Variants in DAG1 observed in about 807,000 individuals in gnomAD.
DAG1 encodes the protein dystroglycan 1 (dystrophin-associated glycoprotein 1).
Under a neutral mutation model 46.1 loss-of-function variants are expected in DAG1, and 8 were observed. The observed-to-expected ratio is 0.17, with a 90% CI of 0.10 to 0.31. DAG1 has a LOEUF of 0.31. Among genes scored for constraint, DAG1 ranks in the 10% least tolerant of loss-of-function variants. The probability of loss-of-function intolerance (pLI) is 1.00; values close to 1 mark genes in which losing one functional copy is unlikely to be tolerated. For missense variants in DAG1, 1,003 were observed against 1,189.9 expected, an observed-to-expected ratio of 0.84 and a Z score of 2.31; for synonymous variants, 495 against 481.8, an observed-to-expected ratio of 1.03 and a Z score of -0.36.
intron 1 of DAG1, among the ~76,000 whole-genome samples, chr3:49,475,440 TC>T: frequency 7.6e-6 from 1 of 131,338 alleles, no homozygotes; most frequent in African/African-American, 2.9e-5. Context: ...GGAGTCTCAC[TC>T]TGTTGCCCAG....
At chr3:49,469,579 C>A (rs768214480), upstream of DAG1, among the ~76,000 whole-genome samples, 3 of 152,146 alleles carry the variant, frequency 2.0e-5, no homozygotes, top group Non-Finnish European at 4.4e-5. Context: ...TTCCAGTGTT[C>A]CAGGCAGGGG....
At chr3:49,525,118 A>G (rs2051132004) in intron 2 of DAG1, among the ~76,000 whole-genome samples, 1 of 152,088 alleles carries the variant, frequency 6.6e-6, no homozygotes, top group Admixed American at 6.5e-5. Context: ...TGATGTCACC[A>G]GTACCAAGAC....
At chr3:49,526,001 C>G (rs974746101) in intron 2 of DAG1, among the ~76,000 whole-genome samples, 3 of 152,110 alleles carry the variant, frequency 2.0e-5, no homozygotes, top group African/African-American at 7.2e-5. Flanking sequence ...TAGGCGCCTG[C>G]CAGCATGCCC....
At chr3:49,517,116 C>T (rs1429965258) in intron 2 of DAG1, among the ~76,000 whole-genome samples, 1 of 151,868 alleles carries the variant, frequency 6.6e-6, no homozygotes, top group East Asian at 1.9e-4. Context: ...GCCTCAGCCT[C>T]CTGAGTAGCT....
At chr3:49,515,958 G>A (rs1300939724) in intron 2 of DAG1, among the ~76,000 whole-genome samples, 1 of 151,896 alleles carries the variant, frequency 6.6e-6, no homozygotes, top group African/African-American at 2.4e-5. Context: ...ATATGATCTG[G>A]CCTGTGACCT....
chr3:49,498,836 G>A (rs556088354), intron 1 of DAG1, among the ~76,000 whole-genome samples: 2 of 151,978 alleles, frequency 1.3e-5, no homozygotes, highest in African/African-American at 4.8e-5. Flanking sequence ...AGCCTCCCAA[G>A]TAGCTGTGAT....
chr3:49,488,726 C>G (rs2050104818), intron 1 of DAG1: 1 of 151,994 alleles, frequency 6.6e-6, no homozygotes, highest in Non-Finnish European at 1.5e-5. Flanking sequence ...CCTCAGCTTC[C>G]TGAGTAGCTG....
rs2051331598 is a variant in DAG1, at chr3:49,531,129, A to C, written c.618A>C (p.Gln206His). The C allele has an allele frequency of 6.2e-7, 1 of 1,614,086 alleles. No individual in the cohort carries two copies. The highest frequency in any genetic ancestry group is 8.5e-7 in the Non-Finnish European group (1 of 1,180,040). The change falls in exon 3 of 3, where the codon CAA (glutamine) becomes CAC (histidine). Residue 206 changes from glutamine (Q) to histidine (H), a missense_variant. By Grantham distance (24) the Gln-to-His change is conservative. Coordinates refer to ENST00000308775, the MANE Select transcript of DAG1 (RefSeq NM_004393.6). This position sits in a 1 kb window ranked among gnomAD's most constrained non-coding sequence, Gnocchi z 7.0. Reference protein sequence around the residue: ...DADLTKMTPKQRIDLLHRMRS... With the variant: ...DADLTKMTPKHRIDLLHRMRS... Reference sequence around the variant, plus strand: ...ACCTCACCAAGATGACCCCAAAGCAAAGGATTGACCTCCTGCACAGGATGC... The same window carrying C: ...ACCTCACCAAGATGACCCCAAAGCACAGGATTGACCTCCTGCACAGGATGC...
chr3:49,496,722 G>A (rs1201784625), intron 1 of DAG1, among the ~76,000 whole-genome samples: 1 of 150,930 alleles, frequency 6.6e-6, no homozygotes, highest in Non-Finnish European at 1.5e-5. Flanking sequence ...TACCTCCCAA[G>A]TTCAAGCAGT....
At chr3:49,499,771 G>A (rs2050397820) in intron 1 of DAG1, among the ~76,000 whole-genome samples, 1 of 152,120 alleles carries the variant, frequency 6.6e-6, no homozygotes, top group Non-Finnish European at 1.5e-5. Context: ...GGGGCCAGTG[G>A]GATCCTTACC....
chr3:49,482,104 A>G (rs1575345694), intron 1 of DAG1, among the ~76,000 whole-genome samples: 1 of 152,226 alleles, frequency 6.6e-6, no homozygotes, highest in East Asian at 1.9e-4. Context: ...AGGGCTGTGC[A>G]GGACGTGCCT....
chr3:49,508,361 C>G (rs1192348772), intron 1 of DAG1, among the ~76,000 whole-genome samples: 3 of 151,360 alleles, frequency 2.0e-5, no homozygotes, highest in African/African-American at 7.3e-5. Flanking sequence ...GCCACCACAC[C>G]CGGCTAATTT....
At chr3:49,499,489 T>C (rs2050391355) in intron 1 of DAG1, among the ~76,000 whole-genome samples, 2 of 152,200 alleles carry the variant, frequency 1.3e-5, no homozygotes, top group East Asian at 3.8e-4. Context: ...AAACATTAAG[T>C]TTATGGCAAA....
chr3:49,473,883 CT>C lies in DAG1; in HGVS notation c.-117+3463del, dbSNP rs371637990. On this transcript the variant is annotated intron_variant, in intron 1 of 2. Coordinates refer to ENST00000308775, the MANE Select transcript of DAG1 (RefSeq NM_004393.6). ...ACAGGCGTGAGCCACTGCGCCTGGC[CT>C]TTTTTTTTTTTTCTTCTGAGACAGA... 5.6e-3 allele frequency among the ~76,000 whole-genome samples: 798 copies of C among 142,770 alleles called. 6 individuals carry two copies. The highest frequency in any genetic ancestry group is 0.015 in the East Asian group (74 of 4,806). 93.7% of individuals were successfully genotyped at this position (142,770 alleles called of 152,430 possible).
intron 1 of DAG1, among the ~76,000 whole-genome samples, chr3:49,491,966 G>C (rs1231522167): frequency 6.8e-5 from 10 of 146,798 alleles, no homozygotes; most frequent in Non-Finnish European, 1.3e-4. Flanking sequence ...TCACTTTGTT[G>C]CCCAGGCTGG....
At chr3:49,469,771 A>C (rs139896371), upstream of DAG1, among the ~76,000 whole-genome samples, 696 of 152,330 alleles carry the variant, frequency 4.6e-3, 9 homozygotes, top group African/African-American at 0.015. Context: ...GATTGTTCTC[A>C]TGGCTTAGAA....
At chr3:49,504,185 TTC>T (rs747557344) in intron 1 of DAG1, among the ~76,000 whole-genome samples, 12 of 152,186 alleles carry the variant, frequency 7.9e-5, no homozygotes, top group South Asian at 6.2e-4. Context: ...CACTAATCAG[TTC>T]TCTGTTTCTA....
chr3:49,505,923 G>GC (rs2050593919), intron 1 of DAG1, among the ~76,000 whole-genome samples: 2 of 150,126 alleles, frequency 1.3e-5, no homozygotes, highest in Non-Finnish European at 3.0e-5. Flanking sequence ...ACCTGCCTCG[G>GC]CCCCCCAAGG....
At chr3:49,491,712 G>A (rs975943604) in intron 1 of DAG1, among the ~76,000 whole-genome samples, 1 of 152,050 alleles carries the variant, frequency 6.6e-6, no homozygotes, top group African/African-American at 2.4e-5. Context: ...TCCTGACCTC[G>A]TGATCCGCCC....
Sources: allele counts gnomAD v4.1 joint callset (sites outside exome capture counted in the v4.1 genomes callset), GRCh38; gene constraint gnomAD v4.1.1; non-coding constraint Gnocchi (gnomAD v3.1); transcripts MANE v1.5; gene names NCBI Gene and HGNC (gene_info 2026-07-23, HGNC 2026-07-21).